GNA14: variants seen among roughly 807,000 people sequenced by gnomAD.
GNA14 encodes guanine nucleotide-binding protein subunit alpha-14.
In GNA14, 50 loss-of-function variants were observed where a neutral mutation model predicts 42.0. The observed-to-expected ratio is 1.19, with a 90% CI of 0.95 to 1.51. The LOEUF (loss-of-function observed/expected upper bound fraction) is 1.51. Among genes scored for constraint, GNA14 ranks in the 40% most tolerant of loss-of-function variants. The pLI is 0.00. For missense variants in GNA14, 473 were observed against 446.2 expected (o/e 1.06, Z -0.54); for synonymous variants, 173 against 163.1 (o/e 1.06, Z -0.46).
intron 2 of GNA14, among the ~76,000 whole-genome samples, chr9:77,521,195 T>C (rs75109856): frequency 0.051 from 7,791 of 152,154 alleles, 233 homozygotes; most frequent in South Asian, 0.074. Context: ...CTCAACAGAG[T>C]ACTTGGTAAG....
intron 2 of GNA14, among the ~76,000 whole-genome samples, chr9:77,464,331 A>ATGTG (rs754670266): frequency 9.1e-5 from 13 of 142,844 alleles, no homozygotes; most frequent in Non-Finnish European, 1.7e-4. Context: ...GTGTATATAT[A>ATGTG]TGTGTGTGTG....
chr9:77,516,452 C>A (rs1472035167), intron 2 of GNA14, among the ~76,000 whole-genome samples: 3 of 152,106 alleles, frequency 2.0e-5, no homozygotes, highest in Non-Finnish European at 2.9e-5. Context: ...GTCAGCCGGG[C>A]ATGGTGGCTC....
chr9:77,615,690 T>G (rs12339543), intron 1 of GNA14, among the ~76,000 whole-genome samples: 29,546 of 142,182 alleles, frequency 0.21, 5,254 homozygotes, highest in African/African-American at 0.5. Flanking sequence ...CTGCTGGTGG[T>G]TGAAAATGAA....
At position 77,558,723 on chromosome 9, in the gene GNA14, G is replaced by C. The variant is rs115422329; in HGVS notation, c.125-29470C>G. On this transcript the variant is annotated intron_variant, in intron 1 of 6. Coordinates refer to ENST00000341700, the MANE Select transcript of GNA14 (RefSeq NM_004297.4). Reference sequence around the variant, plus strand: ...CATTCTTCCCATAAAAGGCTAGGGTGGGGTAGAGACTGGGGCCTGCCTTCT... The same window carrying C: ...CATTCTTCCCATAAAAGGCTAGGGTCGGGTAGAGACTGGGGCCTGCCTTCT... Among the ~76,000 whole-genome samples, 595 of 152,220 alleles carry C rather than the reference G, an allele frequency of 3.9e-3. 3 individuals are homozygous for C. The highest frequency in any genetic ancestry group is 0.014 in the African/African-American group (561 of 41,524).
chr9:77,440,104 C>G (rs529601352), intron 2 of GNA14, among the ~76,000 whole-genome samples: 1 of 152,356 alleles, frequency 6.6e-6, no homozygotes, highest in East Asian at 1.9e-4. Flanking sequence ...GAAACATGAC[C>G]AGGCTCTCAA....
At chr9:77,544,804 C>G (rs1009027820) in intron 1 of GNA14, among the ~76,000 whole-genome samples, 1 of 151,930 alleles carries the variant, frequency 6.6e-6, no homozygotes, top group Non-Finnish European at 1.5e-5. Flanking sequence ...TTTAGAATCT[C>G]TAAAACTCAC....
intron 1 of GNA14, among the ~76,000 whole-genome samples, chr9:77,583,306 G>A (rs568088498): frequency 3.3e-5 from 5 of 152,290 alleles, no homozygotes; most frequent in African/African-American, 1.2e-4. Context: ...ATTTACACCC[G>A]AGGTCATGAG....
chr9:77,619,060 C>A (rs1823880864), intron 1 of GNA14, among the ~76,000 whole-genome samples: 1 of 152,124 alleles, frequency 6.6e-6, no homozygotes, highest in South Asian at 2.1e-4. Flanking sequence ...TTGCATCTCA[C>A]ATTCTATTTC....
At chr9:77,459,541 C>T (rs374708847) in intron 2 of GNA14, among the ~76,000 whole-genome samples, 2 of 152,242 alleles carry the variant, frequency 1.3e-5, no homozygotes, top group African/African-American at 4.8e-5. Context: ...GGCACCGCCT[C>T]TTGCCTCAGG....
At chr9:77,513,341 G>T (rs947424665) in intron 2 of GNA14, among the ~76,000 whole-genome samples, 1 of 152,234 alleles carries the variant, frequency 6.6e-6, no homozygotes, top group Non-Finnish European at 1.5e-5. Flanking sequence ...TCTGCTACTT[G>T]TGTGATCTTG....
chr9:77,601,882 A>G (rs1823571904), intron 1 of GNA14, among the ~76,000 whole-genome samples: 1 of 152,232 alleles, frequency 6.6e-6, no homozygotes, highest in Non-Finnish European at 1.5e-5. Flanking sequence ...AATGCTTTCC[A>G]GGGCCACCAA....
intron 4 of GNA14, 61 bp from the exon 5 acceptor site, chr9:77,429,097 G>A (rs1835504071): frequency 1.0e-5 from 16 of 1,539,988 alleles, no homozygotes; most frequent in South Asian, 1.0e-4. Context: ...GGGGAAAAAG[G>A]ACATGAATTA....
At chr9:77,442,611 T>C (rs1322083218) in intron 2 of GNA14, among the ~76,000 whole-genome samples, 3 of 152,194 alleles carry the variant, frequency 2.0e-5, no homozygotes, top group Non-Finnish European at 4.4e-5. Flanking sequence ...CATACACCCT[T>C]TGGCTCTGTG....
chr9:77,457,273 G>A (rs147648973), intron 2 of GNA14, among the ~76,000 whole-genome samples: 14 of 152,324 alleles, frequency 9.2e-5, no homozygotes, highest in East Asian at 3.9e-4. Flanking sequence ...AGTGGAAGGC[G>A]CATCTTTGCT....
At chr9:77,515,394 G>A (rs1333563184) in intron 2 of GNA14, among the ~76,000 whole-genome samples, 2 of 152,218 alleles carry the variant, frequency 1.3e-5, no homozygotes, top group African/African-American at 2.4e-5. Flanking sequence ...CAAAAGAAAG[G>A]AGGTCACTGT....
At chr9:77,534,687 A>G (rs1205440908) in intron 1 of GNA14, among the ~76,000 whole-genome samples, 2 of 152,212 alleles carry the variant, frequency 1.3e-5, no homozygotes, top group Non-Finnish European at 2.9e-5. Flanking sequence ...TAAATCATCT[A>G]TGTGCCCAAC....
At chr9:77,427,208 T>C (rs879330058) in intron 5 of GNA14, among the ~76,000 whole-genome samples, 1 of 152,210 alleles carries the variant, frequency 6.6e-6, no homozygotes, top group Admixed American at 6.5e-5. Context: ...TGGGCTGAGA[T>C]ACTGGTCCCT....
chr9:77,554,471 T>A (rs1822733110), intron 1 of GNA14, among the ~76,000 whole-genome samples: 3 of 152,220 alleles, frequency 2.0e-5, no homozygotes, highest in Non-Finnish European at 2.9e-5. Flanking sequence ...TAGTATCAGT[T>A]TGACTGTTAG....
intron 1 of GNA14, among the ~76,000 whole-genome samples, chr9:77,586,319 G>C (rs937726156): frequency 1.3e-5 from 2 of 152,064 alleles, no homozygotes; most frequent in East Asian, 1.9e-4. Flanking sequence ...AAGATAACCA[G>C]CCCAATTTTT....
Sources: allele counts gnomAD v4.1 joint callset (sites outside exome capture counted in the v4.1 genomes callset), GRCh38; gene constraint gnomAD v4.1.1; transcripts MANE v1.5; gene names NCBI Gene and HGNC (gene_info 2026-07-23, HGNC 2026-07-21).